Variants in DNM1 observed in about 807,000 individuals in gnomAD.
DNM1 encodes dynamin-1.
In DNM1, 29 loss-of-function variants were observed where a neutral mutation model predicts 104.6. That is an observed-to-expected ratio of 0.28 (90% CI 0.21 to 0.38). The LOEUF (loss-of-function observed/expected upper bound fraction) is 0.38. Ranked by LOEUF, DNM1 falls within the 10% of genes least tolerant of loss-of-function variation. DNM1 has a pLI of 1.00. For missense variants in DNM1, 640 were observed against 1,189.4 expected, an observed-to-expected ratio of 0.54 and a Z score of 6.79; for synonymous variants, 445 against 475.8, an observed-to-expected ratio of 0.94 and a Z score of 0.84.
chr9:128,244,317 ATGTG>A (rs1836610929), intron 15 of DNM1, among the ~76,000 whole-genome samples: 1 of 151,504 alleles, frequency 6.6e-6, no homozygotes, highest in Admixed American at 6.6e-5. Context: ...GGGGGTGCTC[ATGTG>A]TGTGAGTTCT....
At chr9:128,205,330 T>G (rs1409060799) in intron 1 of DNM1, among the ~76,000 whole-genome samples, 1 of 152,136 alleles carries the variant, frequency 6.6e-6, no homozygotes, top group Non-Finnish European at 1.5e-5. Flanking sequence ...GGGGACCAAC[T>G]GGTGATTTCA....
intron 6 of DNM1, among the ~76,000 whole-genome samples, chr9:128,221,383 G>A (rs191299234): frequency 3.9e-5 from 6 of 152,080 alleles, no homozygotes; most frequent in East Asian, 1.9e-4. Context: ...AGCCATAATC[G>A]TGCCTGGCCT....
intron 6 of DNM1, among the ~76,000 whole-genome samples, chr9:128,221,693 C>T (rs78998993): frequency 9.2e-5 from 14 of 151,858 alleles, no homozygotes; most frequent in East Asian, 1.9e-4. Flanking sequence ...GCCAAAAGTT[C>T]GACACCAGCC....
rs1835057997 is a variant in DNM1, at chr9:128,222,084, G to A, written c.850-113G>A. ...TAGTGGCCCGGGCAGCAGTGGCAGG[G>A]CTGCCCTCCATAGCTCTCCACCTCA... is the stretch of plus-strand genomic sequence containing the variant. On this transcript the variant is annotated intron_variant, in intron 6 of 21. Transcript: ENST00000372923. This position sits in a 1 kb window ranked among gnomAD's most constrained non-coding sequence, Gnocchi z 7.8. 1 of 1,334,594 alleles carries A rather than the reference G, an allele frequency of 7.5e-7. No individual in the cohort carries two copies. Among genetic ancestry groups the A allele is most frequent in the East Asian group, 2.4e-5 (1 of 42,372 alleles). 82.7% of individuals were successfully genotyped at this position (1,334,594 alleles called of 1,614,324 possible).
chr9:128,225,104 A>G (rs987489645), intron 10 of DNM1, among the ~76,000 whole-genome samples: 4 of 152,146 alleles, frequency 2.6e-5, no homozygotes, highest in African/African-American at 7.2e-5. Context: ...CAGGAGATCA[A>G]GTGGCTTGCC....
chr9:128,213,556 A>G (rs1282322142), intron 1 of DNM1, among the ~76,000 whole-genome samples: 1 of 152,202 alleles, frequency 6.6e-6, no homozygotes, highest in Non-Finnish European at 1.5e-5. Context: ...GGAAGGTAAT[A>G]GGCTCTGCTT....
At chr9:128,242,759 C>CA (rs1013021283) in intron 15 of DNM1, among the ~76,000 whole-genome samples, 28 of 150,624 alleles carry the variant, frequency 1.9e-4, no homozygotes, top group African/African-American at 4.4e-4. Context: ...GACTCCATCT[C>CA]AAAAAAAAAG....
chr9:128,253,087 G>A lies in DNM1; in HGVS notation c.2535-1567G>A, dbSNP rs368934120. The stretch of plus-strand genomic sequence containing the variant: ...GCGTGTGAACTGCCATGTTGATTTC[G>A]TGCTGTCTTTCAGAATCACTATCAG... On this transcript the variant is annotated intron_variant, in intron 21 of 21. Coordinates refer to ENST00000372923, the MANE Select transcript of DNM1 (RefSeq NM_004408.4). The surrounding 1 kb of genome is among the most constrained non-coding windows in gnomAD (Gnocchi z 5.9). 47 of 1,611,072 alleles carry A rather than the reference G, an allele frequency of 2.9e-5. No individual in the cohort carries two copies. Among genetic ancestry groups the A allele is most frequent in the Middle Eastern group, 1.8e-4 (1 of 5,562 alleles).
rs778431149 is a variant in DNM1 at position 128,247,891 on chromosome 9, G to C, written c.1894-33G>C. Reference sequence around the variant, plus strand: ...TTCGGCTGTGCTCCCTGGTGGTGGCGGCGGTGGCAATGTTGGTGTGTGGGC... The same window carrying C: ...TTCGGCTGTGCTCCCTGGTGGTGGCCGCGGTGGCAATGTTGGTGTGTGGGC... On this transcript the variant is annotated intron_variant, in intron 17 of 21. Coordinates refer to ENST00000372923, the MANE Select transcript of DNM1 (RefSeq NM_004408.4). The surrounding 1 kb of genome is among the most constrained non-coding windows in gnomAD (Gnocchi z 5.1). 2.5e-6 allele frequency: 4 copies of C among 1,611,522 alleles called. No homozygotes were observed. Among genetic ancestry groups the C allele is most frequent in the African/African-American group, 1.3e-5 (1 of 74,794 alleles).
rs1829731767 is a variant in DNM1 at position 128,254,555 on chromosome 9, T to TGCG, written c.2535-95_2535-93dup. On this transcript the variant is annotated intron_variant, in intron 21 of 21. Coordinates refer to ENST00000372923, the MANE Select transcript of DNM1 (RefSeq NM_004408.4). The surrounding 1 kb of genome is among the most constrained non-coding windows in gnomAD (Gnocchi z 6.1). Reference sequence around the variant, plus strand: ...CCCTCCCCGGCCCTCCCACCACTGCTGCGGCGCGGCCGGCCCCGGCCGTGT... The same window carrying TGCG: ...CCCTCCCCGGCCCTCCCACCACTGCTGCGGCGGCGCGGCCGGCCCCGGCCGTGT... The TGCG allele has an allele frequency of 6.7e-7, 1 of 1,490,350 alleles. No individual in the cohort carries two copies. The highest frequency in any genetic ancestry group is 9.0e-7 in the Non-Finnish European group (1 of 1,113,750). 92.3% of individuals were successfully genotyped at this position (1,490,350 alleles called of 1,614,324 possible).
Position 128,240,464 on chromosome 9 carries a change from C to T in DNM1, c.1557+468C>T, listed in dbSNP as rs922260442. 1.8e-5 allele frequency: 3 copies of T among 166,014 alleles called. No homozygotes were observed. Among genetic ancestry groups the T allele is most frequent in the African/African-American group, 7.2e-5 (3 of 41,596 alleles). 10.3% of individuals were successfully genotyped at this position (166,014 alleles called of 1,614,324 possible). A position where few individuals can be genotyped will look rare whatever the true frequency, so the allele number is the denominator to read the frequency against. ...ACATCCCTCGTCAGAAGCGCTTGCTCAGTTGTACACATGAGCCCGAGGGTC... is the reference window on the plus strand; with the variant it reads ...ACATCCCTCGTCAGAAGCGCTTGCTTAGTTGTACACATGAGCCCGAGGGTC... On this transcript the variant is annotated intron_variant, in intron 14 of 21. Coordinates refer to ENST00000372923, the MANE Select transcript of DNM1 (RefSeq NM_004408.4). The surrounding 1 kb of genome is among the most constrained non-coding windows in gnomAD (Gnocchi z 5.1).
At position 128,220,729 on chromosome 9, in the gene DNM1, G is replaced by GCGCGCGCGCA. The variant is rs1554773749; in HGVS notation, c.849+397_849+398insACGCGCGCGC. 1.4e-5 allele frequency among the ~76,000 whole-genome samples: 1 copy of GCGCGCGCGCA among 69,754 alleles called. No individual in the cohort carries two copies. The highest frequency in any genetic ancestry group is 2.6e-5 in the Non-Finnish European group (1 of 38,414). The allele number at this position is 69,754 out of a possible 152,430, so 45.8% of individuals were successfully genotyped here. A position where few individuals can be genotyped will look rare whatever the true frequency, so the allele number is the denominator to read the frequency against. The stretch of plus-strand genomic sequence containing the variant: ...GGAATGGGGCATCCAGAACTGAAGT[G>GCGCGCGCGCA]CGCGCGCGCGCGCGTGTGTGTGTGT... On this transcript the variant is annotated intron_variant, in intron 6 of 21. Coordinates refer to ENST00000372923, the MANE Select transcript of DNM1 (RefSeq NM_004408.4). This position sits in a 1 kb window ranked among gnomAD's most constrained non-coding sequence, Gnocchi z 5.2.
At chr9:128,239,539 G>C (rs371538380) in intron 12 of DNM1, 24 bp downstream of exon 12, 5 of 1,601,634 alleles carry the variant, frequency 3.1e-6, no homozygotes, top group Non-Finnish European at 4.3e-6. Flanking sequence ...CAGGCAAAAA[G>C]TGAGTGCTCC....
At chr9:128,204,183 C>T (rs1283060306) in intron 1 of DNM1, 1 of 152,646 alleles carries the variant, frequency 6.6e-6, no homozygotes, top group Non-Finnish European at 1.5e-5. Context: ...AGCACACACA[C>T]ACCTCTGCGG....
rs1834777606 is a variant in DNM1, at chr9:128,218,940, C to T, written c.386-109C>T. The T allele has an allele frequency of 5.1e-6, 7 of 1,363,114 alleles. 1 individual carries two copies. Among genetic ancestry groups the T allele is most frequent in the Middle Eastern group, 4.2e-4 (2 of 4,720 alleles). 84.4% of individuals were successfully genotyped at this position (1,363,114 alleles called of 1,614,324 possible). On this transcript the variant is annotated intron_variant, in intron 3 of 21. Transcript: ENST00000372923. The surrounding 1 kb of genome is among the most constrained non-coding windows in gnomAD (Gnocchi z 4.8). ...TCGCCCTGAGATTTCCTAGTCCCACCCACCTGCCACCCTGCTCCCAAGCAG... is the reference window on the plus strand; with the variant it reads ...TCGCCCTGAGATTTCCTAGTCCCACTCACCTGCCACCCTGCTCCCAAGCAG...
intron 19 of DNM1, among the ~76,000 whole-genome samples, chr9:128,249,566 G>T (rs1228025471): frequency 6.6e-6 from 1 of 151,806 alleles, no homozygotes; most frequent in Non-Finnish European, 1.5e-5. Context: ...TGAGGCAGGA[G>T]AATTGCTTGA....
intron 20 of DNM1, 104 bp downstream of exon 20, chr9:128,250,460 C>T: frequency 7.8e-7 from 1 of 1,284,286 alleles, no homozygotes. Context: ...GGGTGGCTCC[C>T]ACCTGGAGCG....
intron 9 of DNM1, chr9:128,223,972 C>T (rs1199110135): frequency 8.7e-6 from 2 of 230,612 alleles, no homozygotes; most frequent in African/African-American, 4.6e-5. Context: ...TGGCGTGAAC[C>T]CGGGAGGCGG....
intron 10 of DNM1, among the ~76,000 whole-genome samples, chr9:128,228,910 G>A (rs1835498140): frequency 6.6e-6 from 1 of 151,886 alleles, no homozygotes; most frequent in Non-Finnish European, 1.5e-5. Context: ...TTGAACCTGG[G>A]AGGTGGAGGT....
Sources: gnomAD v4.1 joint callset for allele counts (sites outside exome capture counted in the v4.1 genomes callset) on GRCh38, gnomAD v4.1.1 for gene constraint, Gnocchi (gnomAD v3.1) non-coding constraint, MANE v1.5 for transcripts, NCBI Gene and HGNC (gene_info 2026-07-23, HGNC 2026-07-21) for gene names.